Variants in FABP6 observed in about 807,000 individuals in gnomAD.
FABP6 encodes gastrotropin.
Under a neutral mutation model 14.9 loss-of-function variants are expected in FABP6, and 13 were observed. The ratio of observed to expected loss-of-function variants is 0.87; its 90% CI spans 0.57 to 1.39. The LOEUF is 1.39. Among genes scored for constraint, FABP6 ranks in the 40% most tolerant of loss-of-function variants. FABP6 has a pLI of 0.00. For synonymous variants in FABP6, 75 were observed against 63.6 expected (o/e 1.18, Z -0.85); for missense variants, 161 against 167.2 (o/e 0.96, Z 0.20).
intron 1 of FABP6, chr5:160,195,690 C>T (rs1759495862): frequency 6.6e-6 from 1 of 152,278 alleles, no homozygotes; most frequent in Non-Finnish European, 1.5e-5. Context: ...ATCCACTTGC[C>T]TCGGCCTCCT....
chr5:160,224,856 C>A (rs1760208188), upstream of FABP6, among the ~76,000 whole-genome samples: 2 of 151,368 alleles, frequency 1.3e-5, no homozygotes, highest in Non-Finnish European at 2.9e-5. Flanking sequence ...CGGCTCACTG[C>A]AGGCTTAGCC....
At chr5:160,231,501 CT>C (rs1760381954) in intron 1 of FABP6, among the ~76,000 whole-genome samples, 1 of 152,212 alleles carries the variant, frequency 6.6e-6, no homozygotes, top group Admixed American at 6.5e-5. Flanking sequence ...TTAAGTGATT[CT>C]TTTGCCTCAG....
chr5:160,223,936 CAAAA>C (rs533709503), intron 3 of FABP6, among the ~76,000 whole-genome samples: 3 of 134,398 alleles, frequency 2.2e-5, no homozygotes, highest in Non-Finnish European at 1.6e-5. Context: ...CCCATCTCTA[CAAAA>C]AAAAAAAAAA....
At chr5:160,214,147 C>CTT (rs1241045778) in intron 3 of FABP6, among the ~76,000 whole-genome samples, 5 of 137,638 alleles carry the variant, frequency 3.6e-5, no homozygotes, top group African/African-American at 1.4e-4. Context: ...TTCTTTCTTT[C>CTT]TTTCTTTCTT....
intron 3 of FABP6, among the ~76,000 whole-genome samples, chr5:160,221,789 G>A (rs1393709247): frequency 2.6e-5 from 4 of 152,042 alleles, no homozygotes. Context: ...GTGAAAAAGA[G>A]CAAGACAAAA....
upstream of FABP6, among the ~76,000 whole-genome samples, chr5:160,225,373 G>T (rs1158244343): frequency 2.6e-5 from 4 of 151,158 alleles, no homozygotes; most frequent in African/African-American, 4.9e-5. Context: ...GGGATTACAG[G>T]CATGAGTCAC....
At chr5:160,230,882 G>T (rs1760365989) in intron 1 of FABP6, among the ~76,000 whole-genome samples, 2 of 152,180 alleles carry the variant, frequency 1.3e-5, no homozygotes, top group Admixed American at 1.3e-4. Flanking sequence ...GCAAACACAG[G>T]CCTCTTACTG....
At position 160,190,232 on chromosome 5, in the gene FABP6, T is replaced by C. The variant is rs546998771; in HGVS notation, c.-59+2778T>C. The stretch of plus-strand genomic sequence containing the variant: ...TGTGCAACTGTCATCGTGTCGTAGC[T>C]TTTTTATTTTTATTTTTGAGACGGA... On this transcript the variant is annotated intron_variant, in intron 1 of 6. Transcript: ENST00000393980. Among the ~76,000 whole-genome samples the C allele has an allele frequency of 2.0e-5, 3 of 152,276 alleles. No individual in the cohort carries two copies. The East Asian group carries it at 5.8e-4, about 29-fold the overall frequency.
intron 1 of FABP6, among the ~76,000 whole-genome samples, chr5:160,193,398 A>G (rs1456326013): frequency 1.3e-5 from 2 of 151,956 alleles, no homozygotes; most frequent in East Asian, 1.9e-4. Flanking sequence ...TATTGCAAAG[A>G]GCAAAAGAAC....
chr5:160,232,681 G>A (rs1348149333), intron 2 of FABP6, among the ~76,000 whole-genome samples: 3 of 152,034 alleles, frequency 2.0e-5, no homozygotes, highest in African/African-American at 4.8e-5. Flanking sequence ...TGGATGGCTC[G>A]AGGCCAGGAT....
intron 1 of FABP6, among the ~76,000 whole-genome samples, chr5:160,231,747 T>C (rs1365867476): frequency 1.3e-5 from 2 of 152,172 alleles, no homozygotes; most frequent in Non-Finnish European, 2.9e-5. Context: ...GATTCAGTTA[T>C]ATTTATATTA....
chr5:160,224,788 T>A (rs1760206004), upstream of FABP6, among the ~76,000 whole-genome samples: 3 of 93,056 alleles, frequency 3.2e-5, no homozygotes, highest in South Asian at 1.1e-3. Flanking sequence ...TTTTTTTTCT[T>A]TTTTTTTTTG....
intron 2 of FABP6, among the ~76,000 whole-genome samples, chr5:160,234,114 G>T (rs1421038744): frequency 6.6e-6 from 1 of 152,098 alleles, no homozygotes; most frequent in African/African-American, 2.4e-5. Flanking sequence ...TTTCTTCATG[G>T]TCCAGAACAC....
intron 2 of FABP6, 107 bp downstream of exon 2, chr5:160,232,380 G>T: frequency 8.2e-7 from 1 of 1,226,692 alleles, no homozygotes; most frequent in Non-Finnish European, 1.1e-6. Context: ...CTCCAGTTTG[G>T]CCTCCAGCAT....
chr5:160,210,720 C>T (rs541494286), intron 2 of FABP6, among the ~76,000 whole-genome samples: 13 of 152,186 alleles, frequency 8.5e-5, no homozygotes, highest in African/African-American at 2.4e-4. Flanking sequence ...ATAATTTAAC[C>T]GCTTGCTCTG....
chr5:160,206,743 A>T (rs535586074), intron 2 of FABP6, among the ~76,000 whole-genome samples: 3 of 152,198 alleles, frequency 2.0e-5, no homozygotes, highest in African/African-American at 7.2e-5. Flanking sequence ...ATGAGCACCC[A>T]GGACTGAAGA....
At chr5:160,187,703 C>T (rs2113042484) in intron 1 of FABP6, among the ~76,000 whole-genome samples, 1 of 152,160 alleles carries the variant, frequency 6.6e-6, no homozygotes, top group African/African-American at 2.4e-5. Context: ...AGTTCCTCTC[C>T]AGCAACTGTT....
chr5:160,238,541 A>G (rs1011308339), intron 3 of FABP6, 65 bp from the exon 4 acceptor site: 26 of 1,423,092 alleles, frequency 1.8e-5, no homozygotes, highest in South Asian at 3.5e-5. Context: ...ATCTTCCTTC[A>G]GCGGTGCCTC....
At chr5:160,200,275 T>G (rs2421726) in intron 2 of FABP6, among the ~76,000 whole-genome samples, 135,958 of 152,210 alleles carry the variant, frequency 0.89, 60,821 homozygotes, top group Non-Finnish European at 0.92. Flanking sequence ...CATGGCCACC[T>G]ATTGAGCAGA....
Sources: allele counts gnomAD v4.1 joint callset (sites outside exome capture counted in the v4.1 genomes callset), GRCh38; gene constraint gnomAD v4.1.1; transcripts MANE v1.5; gene names NCBI Gene and HGNC (gene_info 2026-07-23, HGNC 2026-07-21).